Variants in EDAR observed in about 807,000 individuals in gnomAD.
EDAR encodes ectodysplasin A receptor, also known as tumor necrosis factor receptor superfamily member EDAR.
In EDAR, 38 loss-of-function variants were observed where a neutral mutation model predicts 51.3. That is an observed-to-expected ratio of 0.74 (90% CI 0.57 to 0.97). EDAR has a LOEUF of 0.97. Ranked by LOEUF, EDAR falls within the 50% of genes least tolerant of loss-of-function variation. The probability of loss-of-function intolerance (pLI) is 0.00; values close to 1 mark genes in which losing one functional copy is unlikely to be tolerated. For missense variants in EDAR, 528 were observed against 595.0 expected, an observed-to-expected ratio of 0.89 and a Z score of 1.17; for synonymous variants, 227 against 242.1, an observed-to-expected ratio of 0.94 and a Z score of 0.58.
rs533100442 is a variant in EDAR, at chr2:108,989,170, G to C, written c.-229C>G. ...TAGCCCCGCTTCCTTTCCGTTTAAA[G>C]GGCTTCCCGGGAACTCTTCCTTGAC... On this transcript the variant is annotated 5_prime_UTR_variant, in exon 1 of 12. Transcript: ENST00000258443. The C allele has an allele frequency of 6.5e-6, 1 of 152,752 alleles. No individual in the cohort carries two copies. The highest frequency in any genetic ancestry group is 2.4e-5 in the African/African-American group (1 of 41,442). The allele number at this position is 152,752 out of a possible 1,614,324, so 9.5% of individuals were successfully genotyped here.
chr2:108,924,992 A>G (rs1426490178), intron 4 of EDAR, among the ~76,000 whole-genome samples: 1 of 152,026 alleles, frequency 6.6e-6, no homozygotes, highest in East Asian at 1.9e-4. Flanking sequence ...CCTGCTCCCC[A>G]TCTCACCTCC....
At chr2:108,987,737 C>T (rs568155088) in intron 1 of EDAR, among the ~76,000 whole-genome samples, 1 of 152,182 alleles carries the variant, frequency 6.6e-6, no homozygotes, top group East Asian at 1.9e-4. Context: ...CCACCAGGAT[C>T]GCCAAACTTT....
intron 1 of EDAR, among the ~76,000 whole-genome samples, chr2:108,968,037 T>C (rs1479474283): frequency 1.3e-5 from 2 of 152,152 alleles, no homozygotes; most frequent in Non-Finnish European, 1.5e-5. Context: ...GCATAGGACA[T>C]GCGCCCACTG....
intron 1 of EDAR, among the ~76,000 whole-genome samples, chr2:108,974,887 C>G (rs1300759491): frequency 1.3e-5 from 2 of 152,200 alleles, no homozygotes; most frequent in Non-Finnish European, 2.9e-5. Flanking sequence ...ACAACACTTG[C>G]AGTCTGCATG....
chr2:108,987,339 A>G (rs556933299), intron 1 of EDAR, among the ~76,000 whole-genome samples: 1 of 152,314 alleles, frequency 6.6e-6, no homozygotes, highest in East Asian at 1.9e-4. Context: ...TAACAGAGGC[A>G]AGTAGGTTTT....
intron 1 of EDAR, among the ~76,000 whole-genome samples, chr2:108,971,261 C>T (rs572965614): frequency 6.6e-6 from 1 of 152,110 alleles, no homozygotes; most frequent in East Asian, 1.9e-4. Context: ...TTTCTTCCAG[C>T]ATCTAGAAAC....
intron 1 of EDAR, among the ~76,000 whole-genome samples, chr2:108,954,950 C>T (rs1235644730): frequency 6.6e-6 from 1 of 152,148 alleles, no homozygotes; most frequent in Non-Finnish European, 1.5e-5. Context: ...TCCCAAAGTG[C>T]TGGGATTACA....
intron 1 of EDAR, among the ~76,000 whole-genome samples, chr2:108,985,355 C>A (rs1353095165): frequency 6.6e-6 from 1 of 152,188 alleles, no homozygotes; most frequent in Non-Finnish European, 1.5e-5. Context: ...GCGCGCCTTC[C>A]TACTGTGTTT....
At chr2:108,971,651 G>A (rs1471067011) in intron 1 of EDAR, among the ~76,000 whole-genome samples, 3 of 152,218 alleles carry the variant, frequency 2.0e-5, no homozygotes, top group Non-Finnish European at 4.4e-5. Context: ...TTTTATGGAA[G>A]AAGAAACTGA....
chr2:108,903,860 G>T (rs1696751392), intron 11 of EDAR, among the ~76,000 whole-genome samples: 1 of 152,080 alleles, frequency 6.6e-6, no homozygotes, highest in Non-Finnish European at 1.5e-5. Flanking sequence ...AAAATTGTGG[G>T]AGCAAATCTC....
chr2:108,945,105 T>C (rs1270944851), intron 1 of EDAR, among the ~76,000 whole-genome samples: 2 of 152,118 alleles, frequency 1.3e-5, no homozygotes, highest in African/African-American at 4.8e-5. Context: ...ACTATGTATG[T>C]GGGCGCTGCC....
intron 5 of EDAR, among the ~76,000 whole-genome samples, chr2:108,917,159 T>C (rs1314918325): frequency 6.6e-6 from 1 of 152,146 alleles, no homozygotes; most frequent in African/African-American, 2.4e-5. Context: ...GGGAAGGTGC[T>C]TGTGGCAAAA....
intron 1 of EDAR, among the ~76,000 whole-genome samples, chr2:108,965,519 T>C (rs1558836802): frequency 1.3e-5 from 2 of 152,126 alleles, no homozygotes. Flanking sequence ...ACAGGTCTTT[T>C]GGGGAGAGAA....
chr2:108,946,164 C>A (rs542425596), intron 1 of EDAR, among the ~76,000 whole-genome samples: 33 of 152,270 alleles, frequency 2.2e-4, no homozygotes, highest in Admixed American at 2.0e-3. Context: ...CGGAGTGTGT[C>A]CCAGCAGCTG....
intron 1 of EDAR, among the ~76,000 whole-genome samples, chr2:108,973,713 C>G (rs2104449101): frequency 6.6e-6 from 1 of 152,348 alleles, no homozygotes; most frequent in Middle Eastern, 3.4e-3. Flanking sequence ...GACCTCCACA[C>G]CGACTACAAA....
At chr2:108,913,604 G>T (rs1181148189) in intron 5 of EDAR, among the ~76,000 whole-genome samples, 2 of 152,100 alleles carry the variant, frequency 1.3e-5, no homozygotes, top group East Asian at 1.9e-4. Context: ...TGAAATAATA[G>T]CTTCTTGATT....
At chr2:108,956,224 A>G (rs1697923016) in intron 1 of EDAR, among the ~76,000 whole-genome samples, 3 of 152,274 alleles carry the variant, frequency 2.0e-5, no homozygotes, top group East Asian at 1.9e-4. Context: ...CTGGTTCCCA[A>G]TTTTCACTGT....
At chr2:108,920,423 T>C (rs1558808273) in intron 5 of EDAR, among the ~76,000 whole-genome samples, 1 of 152,202 alleles carries the variant, frequency 6.6e-6, no homozygotes. Context: ...CAGATCCCTT[T>C]ATGCAGGATG....
At chr2:108,913,662 A>T (rs895730403) in intron 5 of EDAR, among the ~76,000 whole-genome samples, 1 of 152,164 alleles carries the variant, frequency 6.6e-6, no homozygotes, top group African/African-American at 2.4e-5. Flanking sequence ...ATAAAAGTGT[A>T]TGCGATAGCT....
Sources: gnomAD v4.1 joint callset for allele counts (sites outside exome capture counted in the v4.1 genomes callset) on GRCh38, gnomAD v4.1.1 for gene constraint, MANE v1.5 for transcripts, NCBI Gene and HGNC (gene_info 2026-07-23, HGNC 2026-07-21) for gene names.